The following MAP2K6 variants were observed in gnomAD, a reference collection of about 807,000 sequenced individuals.
The protein encoded by MAP2K6 is dual specificity mitogen-activated protein kinase kinase 6.
In MAP2K6, 16 loss-of-function variants were observed where a neutral mutation model predicts 53.7. The ratio of observed to expected loss-of-function variants is 0.30; its 90% CI spans 0.20 to 0.45. The LOEUF (loss-of-function observed/expected upper bound fraction) is 0.45, where lower values mean the gene tolerates loss of function less well. Among genes scored for constraint, MAP2K6 ranks in the 20% least tolerant of loss-of-function variants. The probability of loss-of-function intolerance (pLI) is 1.00; values close to 1 mark genes in which losing one functional copy is unlikely to be tolerated. For missense variants in MAP2K6, 204 were observed against 411.9 expected (o/e 0.50, Z 4.37); for synonymous variants, 132 against 143.1 (o/e 0.92, Z 0.55).
Position 69,519,428 on chromosome 17 carries a change from G to A in MAP2K6, c.362G>A (p.Arg121Gln). 3.7e-6 allele frequency: 6 copies of A among 1,614,094 alleles called. No individual in the cohort carries two copies. The highest frequency in any genetic ancestry group is 2.2e-5 in the East Asian group (1 of 44,878). ...GTCACCTTTTATGGCGCACTGTTTC[G>A]GGAGGTAGGTGACCCTTCAATTCAA... ...FTVTFYGALF[R>Q]EGDVWICMEL... Residue 121 changes from arginine (R) to glutamine (Q), a missense_variant, in exon 5 of 12, where the codon CGG becomes CAG. Coordinates refer to ENST00000590474, the MANE Select transcript of MAP2K6 (RefSeq NM_002758.4).
intron 1 of MAP2K6, among the ~76,000 whole-genome samples, chr17:69,424,186 G>A (rs976534041): frequency 6.6e-6 from 1 of 152,144 alleles, no homozygotes; most frequent in Non-Finnish European, 1.5e-5. Flanking sequence ...TCACAGAGTC[G>A]CTTACATCGT....
intron 1 of MAP2K6, among the ~76,000 whole-genome samples, chr17:69,421,580 C>T (rs938961499): frequency 1.3e-5 from 2 of 151,298 alleles, no homozygotes; most frequent in African/African-American, 2.4e-5. Flanking sequence ...GCTCTGTCAC[C>T]CAGGCTGGAG....
intron 1 of MAP2K6, among the ~76,000 whole-genome samples, chr17:69,483,188 T>C (rs559789588): frequency 4.6e-5 from 7 of 152,132 alleles, no homozygotes; most frequent in African/African-American, 1.7e-4. Context: ...AGATCTCTGT[T>C]TGTAGATAGA....
chr17:69,422,124 A>ATTTTTTTT (rs35694490), intron 1 of MAP2K6, among the ~76,000 whole-genome samples: 4 of 87,388 alleles, frequency 4.6e-5, no homozygotes, highest in African/African-American at 4.6e-5. Flanking sequence ...AATCATCGTA[A>ATTTTTTTT]TTTTTTTTTT....
chr17:69,526,730 A>G, intron 10 of MAP2K6, 21 bp downstream of exon 10: 1 of 1,607,750 alleles, frequency 6.2e-7, no homozygotes, highest in Non-Finnish European at 8.5e-7. Flanking sequence ...CTCACCTCCC[A>G]AGTGTCAGTG....
chr17:69,482,315 A>C (rs73363641), intron 1 of MAP2K6, among the ~76,000 whole-genome samples: 1 of 151,970 alleles, frequency 6.6e-6, no homozygotes, highest in East Asian at 1.9e-4. Flanking sequence ...ATTTTTTTAA[A>C]CTTAGTTTTC....
chr17:69,516,928 C>T (rs370059665), intron 3 of MAP2K6, 25 bp downstream of exon 3: 64 of 1,547,822 alleles, frequency 4.1e-5, no homozygotes, highest in Non-Finnish European at 5.5e-5. Context: ...TGTCTGCCAC[C>T]TAATACGTTG....
intron 1 of MAP2K6, among the ~76,000 whole-genome samples, chr17:69,491,134 T>TCC: frequency 6.6e-6 from 1 of 150,564 alleles, no homozygotes. Context: ...CTTCCTTCCT[T>TCC]TCTTCCTTCC....
chr17:69,531,945 C>T (rs1011184425), intron 10 of MAP2K6, among the ~76,000 whole-genome samples: 5 of 152,112 alleles, frequency 3.3e-5, no homozygotes, highest in South Asian at 2.1e-4. Context: ...GAATCTTAGC[C>T]GGTTTACACT....
chr17:69,548,512 T>C lies in MAP2K6; in HGVS notation c.*6759T>C, dbSNP rs887172278. ...TATTATTCAGAAATATTCTTTTTCC[T>C]GCTGCACCATTAGGCAAACATACAT... On this transcript the variant is annotated 3_prime_UTR_variant, in exon 12 of 12. Coordinates refer to ENST00000590474, the MANE Select transcript of MAP2K6 (RefSeq NM_002758.4). The C allele has an allele frequency of 2.0e-5, 3 of 152,208 alleles. No individual in the cohort carries two copies. Among genetic ancestry groups the C allele is most frequent in the African/African-American group, 7.2e-5 (3 of 41,446 alleles). The allele number at this position is 152,208 out of a possible 1,614,324, so 9.4% of individuals were successfully genotyped here.
At chr17:69,514,348 C>T (rs914815600) in intron 2 of MAP2K6, among the ~76,000 whole-genome samples, 40 of 152,126 alleles carry the variant, frequency 2.6e-4, no homozygotes, top group African/African-American at 9.7e-4. Context: ...CTCAGAAACA[C>T]AAGATATATA....
intron 1 of MAP2K6, among the ~76,000 whole-genome samples, chr17:69,444,695 T>G (rs1906917910): frequency 6.6e-6 from 1 of 152,152 alleles, no homozygotes; most frequent in Admixed American, 6.5e-5. Flanking sequence ...GGCCCACACT[T>G]TAGCTGCAAT....
In MAP2K6 at chr17:69,536,268, T is replaced by C. The variant is rs1911353527; in HGVS notation, c.927+108T>C. ...CACCATATTGGAAGAGTTGGTTCAT[T>C]GATACATCAGTGACAGGAATTGAAC... On this transcript the variant is annotated intron_variant, in intron 11 of 11. Transcript: ENST00000590474. The C allele has an allele frequency of 5.1e-6, 4 of 790,046 alleles. No homozygotes were observed. The Middle Eastern group carries it at 7.1e-4, about 141-fold the overall frequency. The allele number at this position is 790,046 out of a possible 1,614,324, so 48.9% of individuals were successfully genotyped here. A position where few individuals can be genotyped will look rare whatever the true frequency, so the allele number is the denominator to read the frequency against.
intron 1 of MAP2K6, among the ~76,000 whole-genome samples, chr17:69,431,465 C>G (rs912671294): frequency 1.3e-5 from 2 of 152,056 alleles, no homozygotes; most frequent in African/African-American, 2.4e-5. Flanking sequence ...TGGAAAGATG[C>G]CTGTGACCCA....
At chr17:69,534,049 T>C (rs1250586470) in intron 10 of MAP2K6, among the ~76,000 whole-genome samples, 1 of 152,198 alleles carries the variant, frequency 6.6e-6, no homozygotes, top group African/African-American at 2.4e-5. Context: ...TTCTTTGTTG[T>C]GCGGGATTGC....
At chr17:69,529,223 G>T (rs978615745) in intron 10 of MAP2K6, among the ~76,000 whole-genome samples, 2 of 152,078 alleles carry the variant, frequency 1.3e-5, no homozygotes, top group Non-Finnish European at 2.9e-5. Context: ...CTGGGGAGGG[G>T]CCAAGATACT....
chr17:69,513,156 A>G (rs1909954557), intron 2 of MAP2K6, among the ~76,000 whole-genome samples: 1 of 152,180 alleles, frequency 6.6e-6, no homozygotes, highest in South Asian at 2.1e-4. Flanking sequence ...AACTAATCCA[A>G]TCTGATTTGT....
chr17:69,520,022 C>T (rs1199897779), intron 5 of MAP2K6: 2 of 429,594 alleles, frequency 4.7e-6, no homozygotes, highest in Non-Finnish European at 8.2e-6. Flanking sequence ...TAATTAGATT[C>T]CATTTTTCAT....
chr17:69,495,231 TTTTTC>T (rs1395365890), intron 1 of MAP2K6, among the ~76,000 whole-genome samples: 3 of 151,574 alleles, frequency 2.0e-5, no homozygotes, highest in African/African-American at 4.9e-5. Flanking sequence ...TTCGTTTTAT[TTTTTC>T]TTTTATTTAT....
Sources: allele counts gnomAD v4.1 joint callset (sites outside exome capture counted in the v4.1 genomes callset), GRCh38; gene constraint gnomAD v4.1.1; transcripts MANE v1.5; gene names NCBI Gene and HGNC (gene_info 2026-07-23, HGNC 2026-07-21).